Variants in NAV3 observed in about 807,000 individuals in gnomAD.
NAV3 encodes the protein pore membrane and/or filament interacting like protein 1.
A neutral mutation model predicts 244.7 loss-of-function variants in NAV3; 87 were observed. That is an observed-to-expected ratio of 0.36 (90% CI 0.30 to 0.42). The LOEUF (loss-of-function observed/expected upper bound fraction) is 0.42, where lower values mean the gene tolerates loss of function less well. Among genes scored for constraint, NAV3 ranks in the 20% least tolerant of loss-of-function variants. The pLI is 1.00. For missense variants in NAV3, 2,663 were observed against 2,893.3 expected, an observed-to-expected ratio of 0.92 and a Z score of 1.83; for synonymous variants, 1,126 against 1,042.2, an observed-to-expected ratio of 1.08 and a Z score of -1.55.
At chr12:77,709,174 G>A (rs1013998272) in intron 2 of NAV3, among the ~76,000 whole-genome samples, 1 of 152,038 alleles carries the variant, frequency 6.6e-6, no homozygotes, top group Admixed American at 6.6e-5. Context: ...ATGTAATCCA[G>A]CATATAAACA....
chr12:77,901,905 C>T (rs544481000), intron 1 of NAV3, among the ~76,000 whole-genome samples: 28 of 151,986 alleles, frequency 1.8e-4, no homozygotes, highest in African/African-American at 4.6e-4. Context: ...ACTGTTTTTC[C>T]GGGTAACATG....
intron 2 of NAV3, among the ~76,000 whole-genome samples, chr12:77,719,252 C>A (rs1876503925): frequency 6.6e-6 from 1 of 152,042 alleles, no homozygotes; most frequent in South Asian, 2.1e-4. Flanking sequence ...ATATCATCTG[C>A]AAAAACAGAT....
In NAV3 at chr12:78,030,522, G is replaced by T. The variant is rs1203712850; in HGVS notation, c.2023+8660G>T. ...CCTCTGCACTGTGAATTGCTCCCTG[G>T]TTCCCTTTTCTGTGTGGTGAATATG... On this transcript the variant is annotated intron_variant, in intron 9 of 39. Transcript: ENST00000397909. Among the ~76,000 whole-genome samples, 3 of 152,246 alleles carry T rather than the reference G, an allele frequency of 2.0e-5. No individual in the cohort carries two copies. In the East Asian group the frequency reaches 5.8e-4, roughly 29 times the overall value.
At chr12:78,025,610 A>AAT (rs1412677732) in intron 9 of NAV3, among the ~76,000 whole-genome samples, 1 of 150,962 alleles carries the variant, frequency 6.6e-6, no homozygotes, top group Non-Finnish European at 1.5e-5. Context: ...AAAAAAAAAA[A>AAT]AAAAAAAAAA....
At chr12:77,576,088 G>A (rs950326272) in intron 2 of NAV3, among the ~76,000 whole-genome samples, 1 of 152,030 alleles carries the variant, frequency 6.6e-6, no homozygotes, top group African/African-American at 2.4e-5. Context: ...CCATGAAAAA[G>A]CTCACGATAA....
At chr12:77,950,103 G>A (rs1593089119) in intron 3 of NAV3, among the ~76,000 whole-genome samples, 1 of 152,192 alleles carries the variant, frequency 6.6e-6, no homozygotes, top group South Asian at 2.1e-4. Context: ...TGGCAGTTAT[G>A]AAGAAAACTG....
Position 77,851,246 on chromosome 12 carries a change from C to A in NAV3, c.243+19542C>A, listed in dbSNP as rs116780966. 4.6e-3 allele frequency among the ~76,000 whole-genome samples: 693 copies of A among 152,262 alleles called. 8 individuals carry two copies. The highest frequency in any genetic ancestry group is 0.015 in the African/African-American group (639 of 41,546). On this transcript the variant is annotated intron_variant, in intron 1 of 39. Coordinates refer to ENST00000397909, the MANE Select transcript of NAV3 (RefSeq NM_001024383.2). ...GTGCCTAGTCCCAAGGGTATGGAGG[C>A]ACCAGCTTCTTTCTCAGGAATTCAA...
rs17044645 is a variant in NAV3 at position 77,972,286 on chromosome 12, C to T, written c.671+3584C>T. ...ACCTCAGGAATCAGACTGCCAGGAC[C>T]TGGATCTGTATTAAAGTAAAGGTGG... On this transcript the variant is annotated intron_variant, in intron 5 of 39. Transcript: ENST00000397909. Among the ~76,000 whole-genome samples, 1,521 of 152,202 alleles carry T rather than the reference C, an allele frequency of 1.0e-2. 31 individuals are homozygous for T. Among genetic ancestry groups the T allele is most frequent in the African/African-American group, 0.035 (1,454 of 41,534 alleles).
At chr12:78,172,578 C>G (rs535280226) in intron 24 of NAV3, among the ~76,000 whole-genome samples, 7 of 151,460 alleles carry the variant, frequency 4.6e-5, no homozygotes, top group African/African-American at 1.7e-4. Context: ...TACCAAGGAA[C>G]CTACTGGAGG....
intron 8 of NAV3, among the ~76,000 whole-genome samples, chr12:78,014,652 G>A (rs1407573228): frequency 1.3e-5 from 2 of 152,044 alleles, no homozygotes; most frequent in African/African-American, 4.8e-5. Context: ...TCCAAAAGGT[G>A]GAGAATGCAA....
intron 1 of NAV3, among the ~76,000 whole-genome samples, chr12:77,921,220 G>A (rs1053939617): frequency 2.6e-5 from 4 of 151,926 alleles, no homozygotes; most frequent in Admixed American, 6.6e-5. Context: ...GCATATTCAA[G>A]ATATGAAATT....
chr12:77,713,891 A>AAATT (rs1167987263), intron 2 of NAV3, among the ~76,000 whole-genome samples: 3 of 152,120 alleles, frequency 2.0e-5, no homozygotes, highest in Non-Finnish European at 2.9e-5. Flanking sequence ...ATCATTTCTG[A>AAATT]AATTAGGAAG....
intron 2 of NAV3, among the ~76,000 whole-genome samples, chr12:77,614,222 C>A (rs989377255): frequency 6.6e-6 from 1 of 151,730 alleles, no homozygotes; most frequent in Non-Finnish European, 1.5e-5. Flanking sequence ...AGTAGCACAA[C>A]CCTCCCGGTA....
At chr12:78,123,540 A>T (rs200755288) in intron 16 of NAV3, among the ~76,000 whole-genome samples, 25 of 151,856 alleles carry the variant, frequency 1.6e-4, no homozygotes, top group African/African-American at 5.8e-4. Context: ...ACTTTGTAAA[A>T]ACAAAACCCA....
chr12:77,706,820 G>A (rs1195805373), intron 2 of NAV3, among the ~76,000 whole-genome samples: 4 of 131,518 alleles, frequency 3.0e-5, no homozygotes, highest in Admixed American at 8.7e-5. Context: ...GCAGTGAGCC[G>A]AGATAGTGCC....
At chr12:78,056,751 G>C (rs186235011) in intron 11 of NAV3, among the ~76,000 whole-genome samples, 2 of 152,156 alleles carry the variant, frequency 1.3e-5, no homozygotes, top group Admixed American at 1.3e-4. Context: ...TTTATGCTAC[G>C]AGTCATGAAA....
chr12:77,990,765 A>G (rs1871308380), intron 5 of NAV3, among the ~76,000 whole-genome samples: 2 of 152,128 alleles, frequency 1.3e-5, no homozygotes, highest in Non-Finnish European at 2.9e-5. Context: ...GTACATTACA[A>G]TTGGTTTTAA....
At chr12:78,108,373 C>T (rs1035825546) in intron 12 of NAV3, among the ~76,000 whole-genome samples, 35 of 152,130 alleles carry the variant, frequency 2.3e-4, no homozygotes, top group Non-Finnish European at 2.6e-4. Context: ...CTTCAACACT[C>T]CACTTTCAGT....
rs1388364872 is a variant in NAV3 at position 77,859,628 on chromosome 12, A to AT, written c.243+27924_243+27925insT. Among the ~76,000 whole-genome samples, 19 of 143,898 alleles carry AT rather than the reference A, an allele frequency of 1.3e-4. No homozygotes were observed. The East Asian group carries it at 3.9e-3, about 29-fold the overall frequency. The allele number at this position is 143,898 out of a possible 152,430, so 94.4% of individuals were successfully genotyped here. ...AAACTTAAAGTGTAATAAAAAAAAA[A>AT]ATCAAAGTGAAAAAAAAAAAATCAA... On this transcript the variant is annotated intron_variant, in intron 1 of 39. Coordinates refer to ENST00000397909, the MANE Select transcript of NAV3 (RefSeq NM_001024383.2).
Sources: gnomAD v4.1 joint callset for allele counts (sites outside exome capture counted in the v4.1 genomes callset) on GRCh38, gnomAD v4.1.1 for gene constraint, MANE v1.5 for transcripts, NCBI Gene and HGNC (gene_info 2026-07-23, HGNC 2026-07-21) for gene names.